The following NRXN1 variants were observed in gnomAD, a reference collection of about 807,000 sequenced individuals.
NRXN1 encodes the protein neurexin 1.
Under a neutral mutation model 150.9 loss-of-function variants are expected in NRXN1, and 39 were observed. The observed-to-expected ratio is 0.26, with a 90% CI of 0.20 to 0.34. The LOEUF (loss-of-function observed/expected upper bound fraction) is 0.34. Ranked by LOEUF, NRXN1 falls within the 10% of genes least tolerant of loss-of-function variation. NRXN1 has a pLI of 1.00. For missense variants in NRXN1, 1,815 were observed against 1,949.9 expected, an observed-to-expected ratio of 0.93 and a Z score of 1.30; for synonymous variants, 924 against 757.0, an observed-to-expected ratio of 1.22 and a Z score of -3.62.
chr2:50,309,755 T>C (rs754669703), intron 17 of NRXN1, among the ~76,000 whole-genome samples: 3 of 152,278 alleles, frequency 2.0e-5, no homozygotes, highest in South Asian at 4.1e-4. Flanking sequence ...TAGGAAATAA[T>C]TATTAATTGC....
At chr2:50,981,843 ATGTG>A (rs1053795330) in intron 2 of NRXN1, among the ~76,000 whole-genome samples, 19,003 of 142,518 alleles carry the variant, frequency 0.13, 1,284 homozygotes, top group Admixed American at 0.16. Flanking sequence ...GTGTGTGTGT[ATGTG>A]TGTGTGTGTG....
chr2:50,528,572 G>A, intron 12 of NRXN1, 53 bp downstream of exon 12: 1 of 1,016,628 alleles, frequency 9.8e-7, no homozygotes, highest in Admixed American at 2.1e-5. Flanking sequence ...TTCTTGACTA[G>A]CTTACATCAT....
intron 5 of NRXN1, among the ~76,000 whole-genome samples, chr2:50,730,830 A>G (rs10176825): frequency 0.23 from 34,172 of 150,916 alleles, 4,134 homozygotes; most frequent in Non-Finnish European, 0.27. Flanking sequence ...CCGCCACCAC[A>G]CCCAGCTAAT....
intron 17 of NRXN1, among the ~76,000 whole-genome samples, chr2:50,443,329 TAGG>T (rs1371228879): frequency 6.6e-6 from 1 of 152,170 alleles, no homozygotes; most frequent in African/African-American, 2.4e-5. Context: ...GGTGTGAATA[TAGG>T]AGAATTTTCT....
rs1184251913 is a variant in NRXN1 at position 50,346,750 on chromosome 2, T to C, written c.3365-109780A>G. The C allele has an allele frequency of 6.2e-7, 1 of 1,613,894 alleles. No homozygotes were observed. The highest frequency in any genetic ancestry group is 8.5e-7 in the Non-Finnish European group (1 of 1,179,934). On this transcript the variant is annotated intron_variant, in intron 17 of 22. Coordinates refer to ENST00000401669, the MANE Select transcript of NRXN1 (RefSeq NM_001330078.2). This position sits in a 1 kb window ranked among gnomAD's most constrained non-coding sequence, Gnocchi z 5.0. ...GATTGCAATAGGCACTGAATGATGC[T>C]TGCTGCTGCCATGGAAATGGTGGAT...
intron 22 of NRXN1, among the ~76,000 whole-genome samples, chr2:49,924,268 A>G (rs906282656): frequency 1.3e-5 from 2 of 152,228 alleles, no homozygotes; most frequent in Admixed American, 6.5e-5. Context: ...ACATTTTCAC[A>G]ATTACCTCAC....
chr2:50,115,118 A>T (rs1702863453), intron 18 of NRXN1, among the ~76,000 whole-genome samples: 1 of 150,810 alleles, frequency 6.6e-6, no homozygotes, highest in African/African-American at 2.4e-5. Flanking sequence ...AGCAGAGAGT[A>T]TTTGGAAAAT....
chr2:50,241,293 T>C (rs1257073769), intron 17 of NRXN1, among the ~76,000 whole-genome samples: 1 of 151,684 alleles, frequency 6.6e-6, no homozygotes, highest in Non-Finnish European at 1.5e-5. Flanking sequence ...TTTTTAAAAA[T>C]TTTATCTTTA....
intron 5 of NRXN1, among the ~76,000 whole-genome samples, chr2:50,740,314 G>T (rs1490143649): frequency 6.6e-6 from 1 of 152,126 alleles, no homozygotes; most frequent in Non-Finnish European, 1.5e-5. Context: ...TATGGGAAAG[G>T]TTCTCATTTG....
At chr2:50,871,331 C>T (rs951638321) in intron 5 of NRXN1, among the ~76,000 whole-genome samples, 1 of 151,674 alleles carries the variant, frequency 6.6e-6, no homozygotes, top group African/African-American at 2.4e-5. Flanking sequence ...TCTAAAAAGC[C>T]CTATATTCTC....
At chr2:50,182,831 G>A (rs1057236849) in intron 18 of NRXN1, among the ~76,000 whole-genome samples, 2 of 152,084 alleles carry the variant, frequency 1.3e-5, no homozygotes, top group Middle Eastern at 3.4e-3. Flanking sequence ...TTTGAGAGTC[G>A]ATCCCAGGAA....
At chr2:50,275,692 A>G (rs905331044) in intron 17 of NRXN1, among the ~76,000 whole-genome samples, 10 of 152,122 alleles carry the variant, frequency 6.6e-5, no homozygotes, top group African/African-American at 2.4e-4. Flanking sequence ...CACTTACATT[A>G]CCAATCAGTA....
chr2:50,562,332 T>G (rs1227348477), intron 8 of NRXN1, among the ~76,000 whole-genome samples: 1 of 147,112 alleles, frequency 6.8e-6, no homozygotes, highest in South Asian at 2.1e-4. Context: ...AGATATACGA[T>G]AGATAGATAG....
chr2:50,671,900 A>G (rs1688907112), intron 5 of NRXN1, among the ~76,000 whole-genome samples: 2 of 151,934 alleles, frequency 1.3e-5, no homozygotes. Flanking sequence ...AGAAAATAGA[A>G]TGAGCTTATT....
intron 17 of NRXN1, among the ~76,000 whole-genome samples, chr2:50,327,472 T>C (rs756626851): frequency 2.6e-5 from 4 of 152,064 alleles, no homozygotes; most frequent in Middle Eastern, 3.4e-3. Flanking sequence ...TGTGGGTATA[T>C]ATAGGTTAAA....
At chr2:50,962,873 G>A (rs1693433715) in intron 2 of NRXN1, among the ~76,000 whole-genome samples, 1 of 151,538 alleles carries the variant, frequency 6.6e-6, no homozygotes, top group African/African-American at 2.4e-5. Context: ...AGCAAGTACT[G>A]AATATGTTCC....
intron 5 of NRXN1, among the ~76,000 whole-genome samples, chr2:50,775,849 A>C (rs1346526548): frequency 6.6e-6 from 1 of 152,068 alleles, no homozygotes; most frequent in Admixed American, 6.6e-5. Context: ...AATGTCTCTC[A>C]GTTTATCCAG....
chr2:50,640,811 T>C (rs1043009038), intron 5 of NRXN1, among the ~76,000 whole-genome samples: 2 of 152,278 alleles, frequency 1.3e-5, no homozygotes, highest in African/African-American at 4.8e-5. Flanking sequence ...TCGTAGCCTA[T>C]CTCTAAAACT....
intron 8 of NRXN1, among the ~76,000 whole-genome samples, chr2:50,557,092 A>T (rs1455155070): frequency 1.3e-5 from 2 of 152,194 alleles, no homozygotes; most frequent in African/African-American, 4.8e-5. Context: ...ATCTTCTCGT[A>T]CACAGACATG....
Sources: allele counts gnomAD v4.1 joint callset (sites outside exome capture counted in the v4.1 genomes callset), GRCh38; gene constraint gnomAD v4.1.1; non-coding constraint Gnocchi (gnomAD v3.1); transcripts MANE v1.5; gene names NCBI Gene and HGNC (gene_info 2026-07-23, HGNC 2026-07-21).